PTPRD: variants seen among roughly 807,000 people sequenced by gnomAD.
The protein encoded by PTPRD is receptor-type tyrosine-protein phosphatase delta.
PTPRD carries 34 observed loss-of-function variants against 214.5 expected under a neutral mutation model. That is an observed-to-expected ratio of 0.16 (90% CI 0.12 to 0.21). The LOEUF is 0.21. Among genes scored for constraint, PTPRD ranks in the 10% least tolerant of loss-of-function variants. The pLI, the probability that PTPRD is intolerant of heterozygous loss-of-function variation, is 1.00. For synonymous variants in PTPRD, 1,128 were observed against 845.7 expected (o/e 1.33, Z -5.79); for missense variants, 2,545 against 2,398.7 (o/e 1.06, Z -1.27).
Position 10,357,435 on chromosome 9 carries a change from T to A in PTPRD, c.-599-16418A>T, listed in dbSNP as rs940909414. On this transcript the variant is annotated intron_variant, in intron 2 of 45. Transcript: ENST00000381196. The stretch of plus-strand genomic sequence containing the variant: ...CAGGACTTGGCTTTTACTTGATGCA[T>A]GTCAAACAGCAAACTATTTAACCTC... 2.2e-4 allele frequency among the ~76,000 whole-genome samples: 33 copies of A among 152,336 alleles called. 1 individual carries two copies. Among genetic ancestry groups the A allele is most frequent in the African/African-American group, 7.5e-4 (31 of 41,574 alleles).
chr9:9,002,059 C>G (rs531873052), intron 11 of PTPRD, among the ~76,000 whole-genome samples: 1 of 151,884 alleles, frequency 6.6e-6, no homozygotes, highest in Non-Finnish European at 1.5e-5. Context: ...CATTCTGAAA[C>G]TCTAATCAAA....
intron 4 of PTPRD, among the ~76,000 whole-genome samples, chr9:9,959,636 G>A (rs1018690902): frequency 1.3e-5 from 2 of 152,190 alleles, no homozygotes; most frequent in East Asian, 1.9e-4. Context: ...TTGAAAATAA[G>A]TCAAGTCTAT....
intron 4 of PTPRD, among the ~76,000 whole-genome samples, chr9:9,986,967 C>T (rs374856557): frequency 5.5e-4 from 84 of 151,864 alleles, no homozygotes; most frequent in African/African-American, 1.9e-3. Flanking sequence ...ATTTCCTGAA[C>T]AGGAATAACT....
intron 3 of PTPRD, among the ~76,000 whole-genome samples, chr9:10,256,896 C>T (rs561362672): frequency 6.6e-6 from 1 of 152,312 alleles, no homozygotes; most frequent in South Asian, 2.1e-4. Flanking sequence ...CCTGTTGGTT[C>T]TTCACATCTT....
At chr9:10,116,787 C>T (rs2098734087) in intron 3 of PTPRD, among the ~76,000 whole-genome samples, 1 of 152,066 alleles carries the variant, frequency 6.6e-6, no homozygotes, top group Non-Finnish European at 1.5e-5. Flanking sequence ...ATTCCACCAA[C>T]ATTAGCCCCA....
intron 11 of PTPRD, among the ~76,000 whole-genome samples, chr9:8,821,128 C>T (rs1031471006): frequency 5.3e-5 from 8 of 152,184 alleles, no homozygotes; most frequent in African/African-American, 1.9e-4. Context: ...TCTGATCCCT[C>T]TGCTCCTCTT....
intron 9 of PTPRD, among the ~76,000 whole-genome samples, chr9:9,376,092 T>A (rs748462063): frequency 1.3e-5 from 2 of 152,158 alleles, no homozygotes; most frequent in African/African-American, 2.4e-5. Flanking sequence ...ATTTAGTAGA[T>A]CTTAACATTC....
rs188570822 is a variant in PTPRD, at chr9:9,244,913, C to T, written c.-202-61550G>A. On this transcript the variant is annotated intron_variant, in intron 9 of 45. Transcript: ENST00000381196. ...CTGACAAAGGGCTAATATCCAGAATCTACAAAGAACTCAAACAAATGTACA... is the reference window on the plus strand; with the variant it reads ...CTGACAAAGGGCTAATATCCAGAATTTACAAAGAACTCAAACAAATGTACA... Among the ~76,000 whole-genome samples the T allele has an allele frequency of 6.8e-3, 1,033 of 152,262 alleles. 11 individuals are homozygous for T. Among genetic ancestry groups the T allele is most frequent in the African/African-American group, 0.023 (964 of 41,562 alleles).
intron 8 of PTPRD, among the ~76,000 whole-genome samples, chr9:9,551,100 T>G (rs2080111886): frequency 6.6e-6 from 1 of 151,958 alleles, no homozygotes. Context: ...TATAATTTAA[T>G]GTATATTCTT....
At chr9:8,319,000 G>T (rs1241901882) in intron 45 of PTPRD, among the ~76,000 whole-genome samples, 1 of 151,992 alleles carries the variant, frequency 6.6e-6, no homozygotes, top group Non-Finnish European at 1.5e-5. Context: ...TTCCTATCTT[G>T]TCACAGTAAG....
chr9:9,101,462 G>C (rs557614814), intron 10 of PTPRD, among the ~76,000 whole-genome samples: 2 of 152,196 alleles, frequency 1.3e-5, no homozygotes, highest in Non-Finnish European at 2.9e-5. Context: ...AATGGGGATG[G>C]AAGGTGATTC....
At chr9:9,413,496 T>A (rs1205491998) in intron 8 of PTPRD, among the ~76,000 whole-genome samples, 1 of 152,204 alleles carries the variant, frequency 6.6e-6, no homozygotes, top group Non-Finnish European at 1.5e-5. Context: ...TACAATTAAA[T>A]GGAACCTTAT....
At chr9:10,170,666 G>A (rs1370386133) in intron 3 of PTPRD, among the ~76,000 whole-genome samples, 1 of 152,154 alleles carries the variant, frequency 6.6e-6, no homozygotes, top group Non-Finnish European at 1.5e-5. Context: ...CAGCCTGGGC[G>A]ACAGAGCAAG....
chr9:9,292,648 G>A (rs1951569504), intron 9 of PTPRD, among the ~76,000 whole-genome samples: 1 of 151,190 alleles, frequency 6.6e-6, no homozygotes, highest in Admixed American at 6.6e-5. Context: ...GATTGCCTTA[G>A]TTATTACCTA....
chr9:8,589,071 T>C (rs1255105408), intron 14 of PTPRD, among the ~76,000 whole-genome samples: 3 of 152,178 alleles, frequency 2.0e-5, no homozygotes, highest in Non-Finnish European at 4.4e-5. Flanking sequence ...CTATAGAAAA[T>C]TTTGAGTGAT....
chr9:9,324,395 G>C (rs4568658), intron 9 of PTPRD, among the ~76,000 whole-genome samples: 1 of 152,114 alleles, frequency 6.6e-6, no homozygotes, highest in Admixed American at 6.5e-5. Context: ...ACTGGTGTGA[G>C]ATGGTATCTC....
At chr9:9,646,345 GT>G (rs1564284141) in intron 7 of PTPRD, among the ~76,000 whole-genome samples, 11 of 145,980 alleles carry the variant, frequency 7.5e-5, no homozygotes, top group South Asian at 2.2e-4. Context: ...GTGTGTGTGG[GT>G]GTGTGTGTGT....
At chr9:9,356,427 G>C (rs79422217) in intron 9 of PTPRD, among the ~76,000 whole-genome samples, 16,576 of 151,162 alleles carry the variant, frequency 0.11, 1,261 homozygotes, top group East Asian at 0.27. Context: ...ACAGTCTATT[G>C]TATAATAAAC....
chr9:8,409,027 GA>G (rs373310039), intron 35 of PTPRD, among the ~76,000 whole-genome samples: 51 of 152,230 alleles, frequency 3.4e-4, no homozygotes, highest in African/African-American at 1.1e-3. Flanking sequence ...CTAGGTAACT[GA>G]AAAAATAAGC....
Sources: gnomAD v4.1 joint callset for allele counts (sites outside exome capture counted in the v4.1 genomes callset) on GRCh38, gnomAD v4.1.1 for gene constraint, MANE v1.5 for transcripts, NCBI Gene and HGNC (gene_info 2026-07-23, HGNC 2026-07-21) for gene names.